The following MCF2L variants were observed in gnomAD, a reference collection of about 807,000 sequenced individuals.
MCF2L encodes guanine nucleotide exchange factor DBS.
Under a neutral mutation model 153.4 loss-of-function variants are expected in MCF2L, and 97 were observed. The ratio of observed to expected loss-of-function variants is 0.63; its 90% CI spans 0.54 to 0.75. The LOEUF (loss-of-function observed/expected upper bound fraction) is 0.75, where lower values mean the gene tolerates loss of function less well. Among genes scored for constraint, MCF2L ranks in the 30% least tolerant of loss-of-function variants. The pLI is 0.00. For missense variants in MCF2L, 1,347 were observed against 1,495.2 expected (o/e 0.90, Z 1.64); for synonymous variants, 659 against 632.2 (o/e 1.04, Z -0.64).
chr13:112,921,717 G>A (rs534135581), intron 2 of MCF2L, among the ~76,000 whole-genome samples: 2 of 152,294 alleles, frequency 1.3e-5, no homozygotes, highest in Admixed American at 6.5e-5. Flanking sequence ...TGTCCTAGAC[G>A]TTAAGAATAA....
At chr13:113,095,554 CAG>C in intron 27 of MCF2L, 1 of 1,010,570 alleles carries the variant, frequency 9.9e-7, no homozygotes, top group Non-Finnish European at 1.2e-6. Flanking sequence ...AGGCAGGAGC[CAG>C]TACAGGCCAT....
At chr13:112,911,394 T>C (rs2081230455) in intron 2 of MCF2L, among the ~76,000 whole-genome samples, 1 of 152,076 alleles carries the variant, frequency 6.6e-6, no homozygotes. Flanking sequence ...ACCCAGACAC[T>C]CTCCTGCCTG....
chr13:113,084,518 A>C, intron 18 of MCF2L: 1 of 336,846 alleles, frequency 3.0e-6, no homozygotes, highest in Non-Finnish European at 5.4e-6. Context: ...TTTGCTAAAT[A>C]ACAGGTAATT....
intron 2 of MCF2L, among the ~76,000 whole-genome samples, chr13:112,918,893 T>C (rs927990309): frequency 1.3e-5 from 2 of 152,100 alleles, no homozygotes; most frequent in African/African-American, 4.8e-5. Context: ...ATTACACGGA[T>C]TCTTGAAGTG....
At chr13:112,998,351 G>C (rs1209435283) in intron 1 of MCF2L, among the ~76,000 whole-genome samples, 2 of 152,162 alleles carry the variant, frequency 1.3e-5, no homozygotes, top group East Asian at 3.9e-4. Context: ...GGAGCTCAGA[G>C]CCAGGCCAAG....
At chr13:113,040,229 G>A (rs1344653470) in intron 3 of MCF2L, 3 of 152,186 alleles carry the variant, frequency 2.0e-5, no homozygotes, top group Non-Finnish European at 2.9e-5. Flanking sequence ...CGGTGGGAAC[G>A]GCCTCTCAGT....
At position 112,989,743 on chromosome 13, in the gene MCF2L, C is replaced by A. The variant is rs375203074; in HGVS notation, c.79+20285C>A. On this transcript the variant is annotated intron_variant, in intron 1 of 29. Coordinates refer to ENST00000535094, the MANE Select transcript of MCF2L (RefSeq NM_001112732.3). ...GGGGATGGAGCTACCACGCCTGAGT[C>A]CTTCCTGAGCTCTTAGACTCCATGC... Among the ~76,000 whole-genome samples, 20 of 152,330 alleles carry A rather than the reference C, an allele frequency of 1.3e-4. No homozygotes were observed. The East Asian group carries it at 3.9e-3, about 29-fold the overall frequency.
intron 14 of MCF2L, 81 bp downstream of exon 14, chr13:113,078,517 C>T (rs558043873): frequency 2.8e-6 from 4 of 1,422,630 alleles, no homozygotes; most frequent in East Asian, 2.4e-5. Flanking sequence ...TGTGGCCCCC[C>T]CTCCCGGGCA....
Position 113,089,664 on chromosome 13 carries a change from C to A in MCF2L, c.2889C>A (p.Asp963Glu), listed in dbSNP as rs752687768. The change falls in exon 26 of 30, where the codon GAC becomes GAA. Residue 963 changes from aspartate (D) to glutamate (E), a missense_variant. Around this residue, in one of 3 missense-constraint regions of MCF2L, gnomAD observed 383 missense variants for 335.4 expected, o/e 1.14. Transcript: ENST00000535094. ...NIKKLEERKT[D>E]PLSLEGYVSS... ...AGAAGCTGGAAGAAAGGAAAACAGACCCCCTAAGCCTGGAGGGATACGTCA... is the reference window on the plus strand; with the variant it reads ...AGAAGCTGGAAGAAAGGAAAACAGAACCCCTAAGCCTGGAGGGATACGTCA... 4.5e-5 allele frequency: 72 copies of A among 1,613,836 alleles called. No homozygotes were observed. In the Admixed American group the frequency reaches 6.3e-4, roughly 14 times the overall value.
chr13:112,979,301 A>C, intron 1 of MCF2L: 4 of 1,142,704 alleles, frequency 3.5e-6, no homozygotes, highest in East Asian at 6.3e-5. Flanking sequence ...TGTTCGAGGA[A>C]GGAAAGGCCC....
chr13:113,083,562 G>T (rs573632622), intron 17 of MCF2L, among the ~76,000 whole-genome samples: 1 of 152,196 alleles, frequency 6.6e-6, no homozygotes, highest in South Asian at 2.1e-4. Flanking sequence ...TCCTCCAGGG[G>T]ACAGATGCAA....
intron 8 of MCF2L, among the ~76,000 whole-genome samples, chr13:113,067,276 G>A (rs1396252184): frequency 6.2e-5 from 9 of 145,922 alleles, no homozygotes; most frequent in Non-Finnish European, 9.1e-5. Flanking sequence ...CCAGCTACGC[G>A]GAGGCAGAGG....
intron 1 of MCF2L, among the ~76,000 whole-genome samples, chr13:113,004,244 G>C (rs1176872708): frequency 6.6e-6 from 1 of 152,220 alleles, no homozygotes; most frequent in African/African-American, 2.4e-5. Context: ...CTTGGCAGAG[G>C]AGGACGGGGC....
chr13:113,045,578 G>C lies in MCF2L; in HGVS notation c.369+217G>C, dbSNP rs928234520. ...GTTTTCCCAGATGAAGGAACTCTTAGGGAGCCCAATGTGACTTGCAAACAA... is the reference window on the plus strand; with the variant it reads ...GTTTTCCCAGATGAAGGAACTCTTACGGAGCCCAATGTGACTTGCAAACAA... On this transcript the variant is annotated intron_variant, in intron 4 of 29. Transcript: ENST00000535094. This position sits in a 1 kb window ranked among gnomAD's most constrained non-coding sequence, Gnocchi z 4.2. 14 of 586,114 alleles carry C rather than the reference G, an allele frequency of 2.4e-5. No individual in the cohort carries two copies. The highest frequency in any genetic ancestry group is 3.1e-5 in the Non-Finnish European group (10 of 327,144). 36.3% of individuals were successfully genotyped at this position (586,114 alleles called of 1,614,324 possible). A position where few individuals can be genotyped will look rare whatever the true frequency, so the allele number is the denominator to read the frequency against.
intron 2 of MCF2L, among the ~76,000 whole-genome samples, chr13:112,955,670 C>T (rs2081748274): frequency 6.6e-6 from 1 of 152,136 alleles, no homozygotes; most frequent in Admixed American, 6.5e-5. Flanking sequence ...ACCCCTTTGC[C>T]ATAAGGCAGA....
rs550836228 is a variant in MCF2L at position 113,077,038 on chromosome 13, G to A, written c.1501-14G>A. 165 of 1,605,518 alleles carry A rather than the reference G, an allele frequency of 1.0e-4. No individual in the cohort carries two copies. Among genetic ancestry groups the A allele is most frequent in the Non-Finnish European group, 1.3e-4 (157 of 1,174,886 alleles). Reference sequence around the variant, plus strand: ...CAACATGTGCAAGGCACCTTACTGAGCATGCGGTTTCAGGAGCACGTGCGA... The same window carrying A: ...CAACATGTGCAAGGCACCTTACTGAACATGCGGTTTCAGGAGCACGTGCGA... On this transcript the variant is annotated splice_polypyrimidine_tract_variant and intron_variant, in intron 12 of 29. Coordinates refer to ENST00000535094, the MANE Select transcript of MCF2L (RefSeq NM_001112732.3).
Position 113,074,617 on chromosome 13 carries a change from T to C in MCF2L, c.1116+54T>C. The stretch of plus-strand genomic sequence containing the variant: ...GGAGAGTGTGGGCAGCATCATCAAG[T>C]GCTGCTCAGGAAGGCGCAGGAATGG... On this transcript the variant is annotated intron_variant, in intron 10 of 29. Transcript: ENST00000535094. The surrounding 1 kb of genome is among the most constrained non-coding windows in gnomAD (Gnocchi z 4.2). 1 of 1,601,630 alleles carries C rather than the reference T, an allele frequency of 6.2e-7. No homozygotes were observed.
chr13:112,979,589 C>A (rs1041666759), intron 1 of MCF2L: 5 of 1,596,266 alleles, frequency 3.1e-6, no homozygotes, highest in Admixed American at 3.5e-5. Flanking sequence ...GCTCTAGCAT[C>A]AGGGGGTCGC....
intron 1 of MCF2L, among the ~76,000 whole-genome samples, chr13:112,990,772 G>T (rs913429558): frequency 1.3e-5 from 2 of 152,174 alleles, no homozygotes; most frequent in Non-Finnish European, 2.9e-5. Flanking sequence ...TCTGCTCTGT[G>T]CCAGGCCAGG....
Sources: gnomAD v4.1 joint callset for allele counts (sites outside exome capture counted in the v4.1 genomes callset) on GRCh38, gnomAD v4.1.1 for gene constraint, gnomAD v4.1.1 regional missense constraint, Gnocchi (gnomAD v3.1) non-coding constraint, MANE v1.5 for transcripts, NCBI Gene and HGNC (gene_info 2026-07-23, HGNC 2026-07-21) for gene names.